NSMAF: variants seen among roughly 807,000 people sequenced by gnomAD.
NSMAF encodes neutral sphingomyelinase activation associated factor.
A neutral mutation model predicts 134.9 loss-of-function variants in NSMAF; 90 were observed. The ratio of observed to expected loss-of-function variants is 0.67; its 90% CI spans 0.56 to 0.79. The LOEUF (loss-of-function observed/expected upper bound fraction) is 0.79. NSMAF is among the 30% of genes least tolerant of loss of function. NSMAF has a pLI of 0.00. For missense variants in NSMAF, 1,010 were observed against 1,119.0 expected, an observed-to-expected ratio of 0.90 and a Z score of 1.39; for synonymous variants, 358 against 389.6, an observed-to-expected ratio of 0.92 and a Z score of 0.96.
chr8:58,598,765 G>A (rs1427659343), intron 19 of NSMAF, among the ~76,000 whole-genome samples: 1 of 152,090 alleles, frequency 6.6e-6, no homozygotes, highest in Non-Finnish European at 1.5e-5. Context: ...GCTCACACCT[G>A]TAATCCCAGC....
In NSMAF at chr8:58,585,957, A is replaced by G. The variant is rs754561848; in HGVS notation, c.2490T>C (p.Asn830=). The change falls in exon 29 of 31, where the codon AAT becomes AAC. Residue 830 remains asparagine (N), a synonymous_variant. Coordinates refer to ENST00000038176, the MANE Select transcript of NSMAF (RefSeq NM_003580.4). ...VLSTGTDGCL[N]VIDVQTGMLI... The stretch of plus-strand genomic sequence containing the variant: ...GCATTCCTGTCTGCACATCAATGAC[A>G]TTAAGACAGCCATCTGTTCCTGTGC... The G allele has an allele frequency of 6.2e-7, 1 of 1,614,128 alleles. No individual in the cohort carries two copies. The highest frequency in any genetic ancestry group is 8.5e-7 in the Non-Finnish European group (1 of 1,180,022).
chr8:58,589,416 AC>A (rs1166381872), intron 26 of NSMAF, 35 bp downstream of exon 26: 1 of 1,419,768 alleles, frequency 7.0e-7, no homozygotes, highest in Non-Finnish European at 9.2e-7. Context: ...CATATAGCAC[AC>A]CAAGTTAAAA....
At chr8:58,601,566 C>T (rs1453846361) in intron 14 of NSMAF, 31 bp from the exon 15 acceptor site, 1 of 1,341,402 alleles carries the variant, frequency 7.5e-7, no homozygotes, top group East Asian at 2.4e-5. Context: ...AAAAATAGAG[C>T]TAAGTGTTGG....
chr8:58,640,517 A>T (rs1350198907), intron 2 of NSMAF, among the ~76,000 whole-genome samples: 1 of 152,026 alleles, frequency 6.6e-6, no homozygotes, highest in Non-Finnish European at 1.5e-5. Flanking sequence ...CAAAATAATA[A>T]TACTAATAGT....
chr8:58,651,237 A>T (rs1807575570), intron 1 of NSMAF, among the ~76,000 whole-genome samples: 1 of 152,196 alleles, frequency 6.6e-6, no homozygotes, highest in South Asian at 2.1e-4. Context: ...CATGTTCTAC[A>T]CATTTGCAGA....
intron 27 of NSMAF, among the ~76,000 whole-genome samples, chr8:58,587,101 G>C (rs1805903298): frequency 6.6e-6 from 1 of 152,324 alleles, no homozygotes; most frequent in South Asian, 2.1e-4. Context: ...TTAGAGAAAA[G>C]GCAGTACTGT....
chr8:58,642,368 A>C (rs1409399479), intron 2 of NSMAF, among the ~76,000 whole-genome samples: 1 of 152,230 alleles, frequency 6.6e-6, no homozygotes, highest in Admixed American at 6.5e-5. Context: ...GCTTCATTAC[A>C]TGCTTCTGTA....
rs149927505 is a variant in NSMAF, at chr8:58,625,677, C to T, written c.385-1897G>A. Reference sequence around the variant, plus strand: ...TTTCAGCCTATCTGTGTCCTTAAACCGAAAATGAGTCTCTTGCAGATGGCA... The same window carrying T: ...TTTCAGCCTATCTGTGTCCTTAAACTGAAAATGAGTCTCTTGCAGATGGCA... On this transcript the variant is annotated intron_variant, in intron 6 of 30. Transcript: ENST00000038176. Among the ~76,000 whole-genome samples, 855 of 152,160 alleles carry T rather than the reference C, an allele frequency of 5.6e-3. 8 individuals carry two copies. Among genetic ancestry groups the T allele is most frequent in the African/African-American group, 0.019 (803 of 41,492 alleles).
At chr8:58,647,502 C>T (rs965591205) in intron 1 of NSMAF, among the ~76,000 whole-genome samples, 10 of 152,200 alleles carry the variant, frequency 6.6e-5, no homozygotes, top group East Asian at 3.9e-4. Context: ...TGATTCCCAA[C>T]GTTGAAGGTG....
At chr8:58,617,545 C>G (rs935855148) in intron 9 of NSMAF, among the ~76,000 whole-genome samples, 2 of 152,106 alleles carry the variant, frequency 1.3e-5, no homozygotes, top group African/African-American at 4.8e-5. Context: ...ATGCAGCCAA[C>G]AGACACATGA....
chr8:58,623,687 T>C, intron 7 of NSMAF, 22 bp downstream of exon 7: 1 of 1,604,486 alleles, frequency 6.2e-7, no homozygotes, highest in Non-Finnish European at 8.5e-7. Context: ...TGCTTTGAAT[T>C]TTCTACCCAG....
chr8:58,596,764 C>T (rs1237990541), intron 21 of NSMAF, among the ~76,000 whole-genome samples: 2 of 151,956 alleles, frequency 1.3e-5, no homozygotes, highest in African/African-American at 2.4e-5. Flanking sequence ...CCTGTCTCTA[C>T]TAAAAATACA....
intron 16 of NSMAF, 141 bp from the exon 17 acceptor site, chr8:58,600,162 G>C (rs1806245972): frequency 1.5e-6 from 1 of 649,048 alleles, no homozygotes; most frequent in Non-Finnish European, 2.6e-6. Context: ...CCATCTCTCT[G>C]AGTGTCCCAC....
At chr8:58,606,799 C>T (rs1474071702) in intron 11 of NSMAF, among the ~76,000 whole-genome samples, 2 of 152,132 alleles carry the variant, frequency 1.3e-5, no homozygotes, top group Admixed American at 6.5e-5. Context: ...AGTTAACCCC[C>T]GGAGTCTCAA....
chr8:58,617,616 A>G (rs1234015471), intron 9 of NSMAF, among the ~76,000 whole-genome samples: 7 of 152,250 alleles, frequency 4.6e-5, no homozygotes, highest in Admixed American at 3.9e-4. Context: ...ACAAGATACC[A>G]TCTCATGCCA....
Position 58,603,291 on chromosome 8 carries a change from G to A in NSMAF, c.964C>T (p.Leu322=). 1 of 1,614,200 alleles carries A rather than the reference G, an allele frequency of 6.2e-7. No homozygotes were observed. Among genetic ancestry groups the A allele is most frequent in the Non-Finnish European group, 8.5e-7 (1 of 1,180,042 alleles). The part of the protein sequence containing the change: ...NYQYLLHLNN[L]ADRSCNDLSQ... ...AGGTCGTTGCAGCTGCGGTCGGCCA[G>A]GTTGTTGAGGTGAAGGAGGTACTGA... Residue 322 remains leucine (L), a synonymous_variant, in exon 13 of 31, where the codon CTG becomes TTG. Coordinates refer to ENST00000038176, the MANE Select transcript of NSMAF (RefSeq NM_003580.4).
chr8:58,616,467 A>ATGTAATTC (rs1806656216), intron 9 of NSMAF, among the ~76,000 whole-genome samples: 1 of 152,188 alleles, frequency 6.6e-6, no homozygotes, highest in South Asian at 2.1e-4. Flanking sequence ...AAATCAATCA[A>ATGTAATTC]TGTAATTCAA....
intron 1 of NSMAF, among the ~76,000 whole-genome samples, chr8:58,654,035 A>AG (rs796685013): frequency 6.6e-5 from 10 of 152,268 alleles, no homozygotes; most frequent in African/African-American, 1.9e-4. Flanking sequence ...TTTTCATGTG[A>AG]GAAAAAAAAA....
In NSMAF at chr8:58,607,885, A is replaced by C. The variant is rs758901641; in HGVS notation, c.688-45T>G. On this transcript the variant is annotated intron_variant, in intron 10 of 30. Coordinates refer to ENST00000038176, the MANE Select transcript of NSMAF (RefSeq NM_003580.4). ...ATCTCAAACATTATTGTTCTGACACAATTAGAAGTTGTTCTATAGTATCAG... is the reference window on the plus strand; with the variant it reads ...ATCTCAAACATTATTGTTCTGACACCATTAGAAGTTGTTCTATAGTATCAG... The C allele has an allele frequency of 8.7e-6, 13 of 1,492,402 alleles. No individual in the cohort carries two copies. The South Asian group carries it at 1.5e-4, about 17-fold the overall frequency. 92.4% of individuals were successfully genotyped at this position (1,492,402 alleles called of 1,614,324 possible).
Sources: allele counts gnomAD v4.1 joint callset (sites outside exome capture counted in the v4.1 genomes callset), GRCh38; gene constraint gnomAD v4.1.1; transcripts MANE v1.5; gene names NCBI Gene and HGNC (gene_info 2026-07-23, HGNC 2026-07-21).